The following KSR2 variants were observed in gnomAD, a reference collection of about 807,000 sequenced individuals.
KSR2 encodes kinase suppressor of ras 2.
Under a neutral mutation model 107.8 loss-of-function variants are expected in KSR2, and 25 were observed. The ratio of observed to expected loss-of-function variants is 0.23; its 90% CI spans 0.17 to 0.32. The LOEUF (loss-of-function observed/expected upper bound fraction) is 0.32. KSR2 is among the 10% of genes least tolerant of loss of function. The pLI, the probability that KSR2 is intolerant of heterozygous loss-of-function variation, is 1.00. For missense variants in KSR2, 887 were observed against 1,268.9 expected, an observed-to-expected ratio of 0.70 and a Z score of 4.57; for synonymous variants, 480 against 507.0, an observed-to-expected ratio of 0.95 and a Z score of 0.71.
intron 14 of KSR2, among the ~76,000 whole-genome samples, chr12:117,504,535 G>A (rs908931006): frequency 3.9e-5 from 6 of 152,088 alleles, no homozygotes; most frequent in Non-Finnish European, 8.8e-5. Flanking sequence ...AATTCCATAG[G>A]CACTCTAGCT....
At chr12:117,505,318 T>G (rs184942856) in intron 14 of KSR2, among the ~76,000 whole-genome samples, 1 of 152,286 alleles carries the variant, frequency 6.6e-6, no homozygotes, top group East Asian at 1.9e-4. Context: ...CCATTTTCCA[T>G]CAAGGAAATG....
intron 1 of KSR2, among the ~76,000 whole-genome samples, chr12:117,888,326 A>G (rs574722812): frequency 6.6e-5 from 10 of 152,198 alleles, no homozygotes; most frequent in Non-Finnish European, 1.3e-4. Context: ...TATCAAAAGT[A>G]TGCTCTCCAA....
chr12:117,480,214 T>C (rs1872084329), intron 16 of KSR2, among the ~76,000 whole-genome samples: 1 of 152,182 alleles, frequency 6.6e-6, no homozygotes, highest in Admixed American at 6.5e-5. Context: ...AAAGGGAAGC[T>C]TCTCTGCTCC....
chr12:117,610,942 T>C (rs182687512), intron 5 of KSR2, among the ~76,000 whole-genome samples: 12 of 152,240 alleles, frequency 7.9e-5, no homozygotes, highest in Admixed American at 3.3e-4. Context: ...CAATAAACCA[T>C]AGTATTGTGT....
intron 1 of KSR2, among the ~76,000 whole-genome samples, chr12:117,958,301 TAC>T (rs1896571528): frequency 6.6e-6 from 1 of 152,136 alleles, no homozygotes; most frequent in Non-Finnish European, 1.5e-5. Context: ...AAATAAAATA[TAC>T]ACCTGTGCTG....
At position 117,939,034 on chromosome 12, in the gene KSR2, A is replaced by G. The variant is rs141390908; in HGVS notation, c.180+29042T>C. Among the ~76,000 whole-genome samples the G allele has an allele frequency of 3.3e-3, 509 of 152,230 alleles. 3 individuals carry two copies. The highest frequency in any genetic ancestry group is 0.012 in the African/African-American group (487 of 41,528). ...AAAGTAAATAGACTTGTTTTCCTGT[A>G]AAGTGACTGAAGACAGCGTGTAAGA... is the stretch of plus-strand genomic sequence containing the variant. On this transcript the variant is annotated intron_variant, in intron 1 of 19. Coordinates refer to ENST00000339824, the MANE Select transcript of KSR2 (RefSeq NM_173598.6).
chr12:117,727,060 T>C (rs1887458421), intron 4 of KSR2, among the ~76,000 whole-genome samples: 2 of 152,096 alleles, frequency 1.3e-5, no homozygotes, highest in African/African-American at 4.8e-5. Context: ...GGATGAGCTC[T>C]AAATCTAATG....
chr12:117,797,536 T>TGAC (rs34271917), intron 3 of KSR2, among the ~76,000 whole-genome samples: 76,623 of 151,698 alleles, frequency 0.51, 19,827 homozygotes, highest in East Asian at 0.68. Context: ...TTTGGTGTGA[T>TGAC]GACAATACTT....
chr12:117,770,976 C>CAAAAAA (rs61641342), intron 3 of KSR2, among the ~76,000 whole-genome samples: 11 of 66,220 alleles, frequency 1.7e-4, no homozygotes, highest in Non-Finnish European at 1.9e-4. Flanking sequence ...GACTCCGTCT[C>CAAAAAA]AAAAAAAAAA....
chr12:117,552,312 C>G (rs1877367618), intron 9 of KSR2, among the ~76,000 whole-genome samples: 1 of 152,202 alleles, frequency 6.6e-6, no homozygotes, highest in Non-Finnish European at 1.5e-5. Context: ...GTTCTTATTG[C>G]CTGCCACGGG....
intron 3 of KSR2, among the ~76,000 whole-genome samples, chr12:117,773,853 C>A (rs1384130502): frequency 3.3e-5 from 5 of 151,274 alleles, no homozygotes; most frequent in Admixed American, 1.3e-4. Flanking sequence ...GTACAAATGA[C>A]AATTACTGTT....
At chr12:117,725,082 T>TCACA (rs1397289530) in intron 4 of KSR2, among the ~76,000 whole-genome samples, 19 of 139,636 alleles carry the variant, frequency 1.4e-4, no homozygotes, top group Admixed American at 5.9e-4. Context: ...TCTCTCTCTC[T>TCACA]CTCACACACA....
intron 4 of KSR2, among the ~76,000 whole-genome samples, chr12:117,727,370 G>A (rs1320177570): frequency 6.6e-6 from 1 of 151,780 alleles, no homozygotes; most frequent in East Asian, 1.9e-4. Context: ...ACCAGACCCT[G>A]TGAAGAAAAA....
At chr12:117,821,784 G>A (rs59213027) in intron 3 of KSR2, among the ~76,000 whole-genome samples, 1,747 of 152,292 alleles carry the variant, frequency 0.011, 33 homozygotes, top group African/African-American at 0.039. Flanking sequence ...GGGACATAGC[G>A]CTGAACAAAA....
chr12:117,518,500 C>T (rs990590220), intron 14 of KSR2, among the ~76,000 whole-genome samples: 3 of 152,192 alleles, frequency 2.0e-5, no homozygotes, highest in African/African-American at 4.8e-5. Flanking sequence ...TGCCCTTTGG[C>T]GCTGGGTTTC....
In KSR2 at chr12:117,460,906, G is replaced by A. The variant is rs2137094994; in HGVS notation, c.*6293C>T. ...GCTCTGTGAATGAGGGCTGTTCAGG[G>A]TGGATTGTTACTCTGCCTCCTAGAC... On this transcript the variant is annotated 3_prime_UTR_variant, in exon 20 of 20. Transcript: ENST00000339824. 1 of 152,330 alleles carries A rather than the reference G, an allele frequency of 6.6e-6. No homozygotes were observed. Among genetic ancestry groups the A allele is most frequent in the Non-Finnish European group, 1.5e-5 (1 of 68,066 alleles). 9.4% of individuals were successfully genotyped at this position (152,330 alleles called of 1,614,324 possible).
intron 3 of KSR2, among the ~76,000 whole-genome samples, chr12:117,794,141 C>CAT (rs1463567469): frequency 2.3e-5 from 3 of 128,546 alleles, no homozygotes; most frequent in Non-Finnish European, 3.3e-5. Context: ...AACATGCACA[C>CAT]ACCCCAACAT....
At chr12:117,515,656 TG>T (rs1874322396) in intron 14 of KSR2, among the ~76,000 whole-genome samples, 1 of 152,212 alleles carries the variant, frequency 6.6e-6, no homozygotes, top group South Asian at 2.1e-4. Context: ...CCAGGCACGG[TG>T]GCTCACGCCT....
chr12:117,906,562 C>G (rs899224302), intron 1 of KSR2, among the ~76,000 whole-genome samples: 1 of 151,226 alleles, frequency 6.6e-6, no homozygotes, highest in African/African-American at 2.4e-5. Flanking sequence ...GCCAAGATCA[C>G]ACCATTGCAC....
Sources: gnomAD v4.1 joint callset for allele counts (sites outside exome capture counted in the v4.1 genomes callset) on GRCh38, gnomAD v4.1.1 for gene constraint, MANE v1.5 for transcripts, NCBI Gene and HGNC (gene_info 2026-07-23, HGNC 2026-07-21) for gene names.